CDH23: variants seen among roughly 807,000 people sequenced by gnomAD.
The protein encoded by CDH23 is cadherin related 23.
CDH23 carries 189 observed loss-of-function variants against 317.1 expected under a neutral mutation model. The observed-to-expected ratio is 0.60, with a 90% CI of 0.53 to 0.67. CDH23 has a LOEUF of 0.67. CDH23 is among the 30% of genes least tolerant of loss of function. The probability of loss-of-function intolerance (pLI) is 0.00; values close to 1 mark genes in which losing one functional copy is unlikely to be tolerated. For synonymous variants in CDH23, 1,839 were observed against 1,876.8 expected (o/e 0.98, Z 0.52); for missense variants, 4,401 against 4,592.4 (o/e 0.96, Z 1.20).
At chr10:71,438,051 T>C (rs1849694764) in intron 1 of CDH23, among the ~76,000 whole-genome samples, 1 of 152,136 alleles carries the variant, frequency 6.6e-6, no homozygotes, top group South Asian at 2.1e-4. Flanking sequence ...TTAGAATCTT[T>C]TGTGTTTCGT....
Position 71,778,248 on chromosome 10 carries a change from G to C in CDH23, c.5127G>C (p.Leu1709=), listed in dbSNP as rs769215209. The change falls in exon 40 of 70, where the codon CTG becomes CTC. Residue 1709 remains leucine (L), a synonymous_variant. Coordinates refer to ENST00000224721, the MANE Select transcript of CDH23 (RefSeq NM_022124.6). ...DYEISHGRYT[L]IVTATDQCPI... ...AGATCAGCCACGGCCGCTACACCCT[G>C]ATCGTCACTGCCACAGACCAGTGCC... is the stretch of plus-strand genomic sequence containing the variant. The C allele has an allele frequency of 6.2e-7, 1 of 1,613,842 alleles. No individual in the cohort carries two copies. Among genetic ancestry groups the C allele is most frequent in the South Asian group, 1.1e-5 (1 of 91,068 alleles).
At chr10:71,452,401 G>A (rs1169088683) in intron 3 of CDH23, among the ~76,000 whole-genome samples, 5 of 152,136 alleles carry the variant, frequency 3.3e-5, no homozygotes, top group African/African-American at 9.7e-5. Context: ...GTATCTCAGC[G>A]AGTCGCCCCC....
chr10:71,707,515 G>A, intron 26 of CDH23: 1 of 1,057,178 alleles, frequency 9.5e-7, no homozygotes, highest in South Asian at 3.6e-5. Context: ...CAAAAATGTT[G>A]CCTGGCTGTT....
rs1841871211 is a variant in CDH23, at chr10:71,810,043, C to T, written c.8946C>T (p.Ile2982=). Residue 2982 remains isoleucine, a synonymous_variant, in exon 61 of 70, where the codon ATC becomes ATT. Coordinates refer to ENST00000224721, the MANE Select transcript of CDH23 (RefSeq NM_022124.6). ...AGTTCATCCACCTGCTCTCCAACAT[C>T]ACTGGGGCCATTGTCAATACTGACA... ...EEEFIHLLSN[I]TGAIVNTDNV... The T allele has an allele frequency of 6.2e-7, 1 of 1,612,692 alleles. No individual in the cohort carries two copies. The highest frequency in any genetic ancestry group is 8.5e-7 in the Non-Finnish European group (1 of 1,179,872).
chr10:71,732,600 T>C lies in CDH23; in HGVS notation c.4104+225T>C, dbSNP rs1839429132. 5.8e-6 allele frequency: 8 copies of C among 1,386,362 alleles called. No individual in the cohort carries two copies. In the African/African-American group the frequency reaches 8.7e-5, roughly 15 times the overall value. 85.9% of individuals were successfully genotyped at this position (1,386,362 alleles called of 1,614,324 possible). ...GTGAGCTGCGTTTGCACCACTGCAC[T>C]CCAGCCCGGGCAACAGAGTGAGACC... On this transcript the variant is annotated intron_variant, in intron 32 of 69. Transcript: ENST00000224721.
chr10:71,668,706 C>G (rs977781288), intron 14 of CDH23, among the ~76,000 whole-genome samples: 2 of 152,222 alleles, frequency 1.3e-5, no homozygotes, highest in East Asian at 1.9e-4. Flanking sequence ...GAGGGGCACC[C>G]TCTTGCCCCT....
chr10:71,401,434 C>T (rs1030237893), intron 1 of CDH23, among the ~76,000 whole-genome samples: 23 of 152,182 alleles, frequency 1.5e-4, no homozygotes, highest in African/African-American at 1.4e-4. Context: ...AATGGCTTAT[C>T]CCTGGGTGAT....
At chr10:71,675,639 C>A (rs2132665460) in intron 15 of CDH23, among the ~76,000 whole-genome samples, 1 of 152,336 alleles carries the variant, frequency 6.6e-6, no homozygotes, top group South Asian at 2.1e-4. Flanking sequence ...AAGTGCAACT[C>A]TGAGAGGCTA....
chr10:71,666,006 T>A (rs562391849), intron 14 of CDH23, among the ~76,000 whole-genome samples: 1 of 152,332 alleles, frequency 6.6e-6, no homozygotes, highest in African/African-American at 2.4e-5. Flanking sequence ...CCGTGATCCA[T>A]TAGGAATGTC....
rs778155546 is a variant in CDH23 at position 71,439,862 on chromosome 10, G to A, written c.31G>A (p.Val11Met). 7 of 1,574,334 alleles carry A rather than the reference G, an allele frequency of 4.4e-6. No individual in the cohort carries two copies. Among genetic ancestry groups the A allele is most frequent in the South Asian group, 1.2e-5 (1 of 85,634 alleles). The change falls in exon 2 of 70, where the codon GTG becomes ATG. Residue 11 changes from valine (V) to methionine (M), a missense_variant. Val to Met is a conservative substitution (Grantham distance 21, BLOSUM62 1). Around this residue, in one of 3 missense-constraint regions of CDH23, gnomAD observed 3,068 missense variants for 3,203.3 expected, o/e 0.96. Coordinates refer to ENST00000224721, the MANE Select transcript of CDH23 (RefSeq NM_022124.6). ...GCGCCATGTTGCCACCAGCTGCCAC[G>A]TGGCCTGGCTTTTGGTGCTGATCTC... MGRHVATSCH[V>M]AWLLVLISGC...
chr10:71,642,337 G>A (rs1862590009), intron 11 of CDH23, among the ~76,000 whole-genome samples: 1 of 151,918 alleles, frequency 6.6e-6, no homozygotes, highest in South Asian at 2.1e-4. Flanking sequence ...TTCCTTGGCT[G>A]GGGCAGCAGC....
At chr10:71,585,221 C>T (rs1858967669) in intron 9 of CDH23, among the ~76,000 whole-genome samples, 1 of 152,156 alleles carries the variant, frequency 6.6e-6, no homozygotes, top group Non-Finnish European at 1.5e-5. Flanking sequence ...GACAAAGAAA[C>T]TACTAACGTC....
At chr10:71,760,988 C>T in intron 38 of CDH23, 1 of 1,527,168 alleles carries the variant, frequency 6.5e-7, no homozygotes, top group South Asian at 1.1e-5. Flanking sequence ...GGAGGCTTGT[C>T]CAGGCCAGTG....
intron 38 of CDH23, 40 bp downstream of exon 38, chr10:71,741,961 C>A (rs1839748711): frequency 1.3e-6 from 2 of 1,492,694 alleles, no homozygotes; most frequent in Non-Finnish European, 1.8e-6. Flanking sequence ...GCGGGTGGGC[C>A]AGGGCAGCTC....
chr10:71,730,741 G>T, intron 31 of CDH23, 137 bp downstream of exon 31: 2 of 1,302,308 alleles, frequency 1.5e-6, no homozygotes, highest in South Asian at 1.4e-5. Flanking sequence ...GGGAGGGGCT[G>T]CTGGGATGGT....
chr10:71,756,661 T>C (rs1468604103), intron 38 of CDH23, among the ~76,000 whole-genome samples: 4 of 152,026 alleles, frequency 2.6e-5, no homozygotes, highest in Non-Finnish European at 5.9e-5. Flanking sequence ...ACTGCAGGAG[T>C]TTAGCTGGGA....
intron 44 of CDH23, 51 bp from the exon 45 acceptor site, chr10:71,788,889 G>T: frequency 1.1e-6 from 1 of 919,570 alleles, no homozygotes; most frequent in Non-Finnish European, 1.8e-6. Flanking sequence ...ACCTAGGTGG[G>T]GGCACTTTGC....
At chr10:71,530,068 C>T (rs1181280802) in intron 6 of CDH23, among the ~76,000 whole-genome samples, 2 of 151,726 alleles carry the variant, frequency 1.3e-5, no homozygotes, top group Non-Finnish European at 2.9e-5. Flanking sequence ...CACACACACA[C>T]ACTCTCCCCA....
chr10:71,729,408 G>C (rs183708930), intron 30 of CDH23, among the ~76,000 whole-genome samples: 1 of 152,224 alleles, frequency 6.6e-6, no homozygotes, highest in African/African-American at 2.4e-5. Context: ...CTAGGCCTCC[G>C]TCCCCCAGGG....
Sources: allele counts gnomAD v4.1 joint callset (sites outside exome capture counted in the v4.1 genomes callset), GRCh38; gene constraint gnomAD v4.1.1; regional missense constraint gnomAD v4.1.1; transcripts MANE v1.5; gene names NCBI Gene and HGNC (gene_info 2026-07-23, HGNC 2026-07-21).